LHFPL2: variants seen among roughly 807,000 people sequenced by gnomAD.
LHFPL2 encodes LHFPL tetraspan subfamily member 2.
In LHFPL2, 7 loss-of-function variants were observed where a neutral mutation model predicts 17.5. The ratio of observed to expected loss-of-function variants is 0.40; its 90% confidence interval spans 0.23 to 0.75. LHFPL2 has a LOEUF of 0.75. LHFPL2 is among the 30% of genes least tolerant of loss of function. The pLI, the probability that LHFPL2 is intolerant of heterozygous loss-of-function variation, is 0.37. For synonymous variants in LHFPL2, 134 were observed against 116.2 expected (o/e 1.15, Z -0.99); for missense variants, 241 against 294.8 (o/e 0.82, Z 1.34).
chr5:78,570,225 A>G (rs1273399788), intron 2 of LHFPL2, among the ~76,000 whole-genome samples: 3 of 152,252 alleles, frequency 2.0e-5, no homozygotes, highest in Non-Finnish European at 2.9e-5. Flanking sequence ...TCATTGCCCT[A>G]TGAACATTCC....
At chr5:78,622,218 A>C (rs1370741057) in intron 2 of LHFPL2, among the ~76,000 whole-genome samples, 1 of 152,154 alleles carries the variant, frequency 6.6e-6, no homozygotes, top group Non-Finnish European at 1.5e-5. Context: ...CATGCACTAC[A>C]TGCCTAAAAC....
intron 3 of LHFPL2, among the ~76,000 whole-genome samples, chr5:78,563,982 G>A (rs1346451720): frequency 6.6e-6 from 1 of 152,176 alleles, no homozygotes. Context: ...GAATCTGCAA[G>A]CTAAAAGACT....
chr5:78,644,308 TCTTG>T, intron 1 of LHFPL2: 1 of 1,199,580 alleles, frequency 8.3e-7, no homozygotes, highest in South Asian at 1.3e-5. Flanking sequence ...TCCTTCTTTT[TCTTG>T]CTTTTTTCAG....
chr5:78,569,162 G>A (rs889301853), intron 2 of LHFPL2, among the ~76,000 whole-genome samples: 4 of 152,094 alleles, frequency 2.6e-5, no homozygotes, highest in African/African-American at 4.8e-5. Flanking sequence ...TTGAAGCACC[G>A]AGGCAAATAC....
intron 3 of LHFPL2, among the ~76,000 whole-genome samples, chr5:78,512,767 CTTTT>C (rs34696428): frequency 1.5e-5 from 2 of 137,836 alleles, no homozygotes; most frequent in African/African-American, 2.7e-5. Flanking sequence ...TTTTTCTTTT[CTTTT>C]TTTTTTTTTT....
chr5:78,551,611 T>G (rs1245183207), intron 3 of LHFPL2, among the ~76,000 whole-genome samples: 1 of 152,170 alleles, frequency 6.6e-6, no homozygotes, highest in Non-Finnish European at 1.5e-5. Context: ...AACGAAGCCC[T>G]AGCAGCAGCC....
At chr5:78,608,529 C>T (rs1429590318) in intron 2 of LHFPL2, among the ~76,000 whole-genome samples, 4 of 151,346 alleles carry the variant, frequency 2.6e-5, no homozygotes, top group African/African-American at 9.7e-5. Context: ...TTTTTAACTA[C>T]TGAAGCTTCA....
At chr5:78,613,363 C>G (rs1476092926) in intron 2 of LHFPL2, among the ~76,000 whole-genome samples, 1 of 152,108 alleles carries the variant, frequency 6.6e-6, no homozygotes, top group African/African-American at 2.4e-5. Flanking sequence ...GGAGATCGTC[C>G]CAGCCTTTTC....
At chr5:78,630,494 A>G (rs1745201334) in intron 2 of LHFPL2, among the ~76,000 whole-genome samples, 1 of 152,162 alleles carries the variant, frequency 6.6e-6, no homozygotes, top group African/African-American at 2.4e-5. Flanking sequence ...TCTTGGGCAA[A>G]GCTGAAATCC....
chr5:78,528,209 T>G (rs1397102875), intron 3 of LHFPL2, among the ~76,000 whole-genome samples: 2 of 152,152 alleles, frequency 1.3e-5, no homozygotes, highest in Non-Finnish European at 2.9e-5. Flanking sequence ...CACTCTCCAT[T>G]TTATGCTCTA....
At chr5:78,525,547 G>A (rs1299538269) in intron 3 of LHFPL2, among the ~76,000 whole-genome samples, 1 of 152,166 alleles carries the variant, frequency 6.6e-6, no homozygotes. Context: ...GGGCACAAAG[G>A]CTAGTGTGTT....
Position 78,488,750 on chromosome 5 carries a change from TG to T in LHFPL2, c.*146del. On this transcript the variant is annotated 3_prime_UTR_variant, in exon 5 of 5. Coordinates refer to ENST00000380345, the MANE Select transcript of LHFPL2 (RefSeq NM_005779.3). ...TCCAGTAACTTTGCGTAGCTGGATG[TG>T]GCCTCTCATTGGTCCTGTTTAAGCC... 1.3e-6 allele frequency: 1 copy of T among 789,586 alleles called. No individual in the cohort carries two copies. Among genetic ancestry groups the T allele is most frequent in the Non-Finnish European group, 2.1e-6 (1 of 483,736 alleles). 48.9% of individuals were successfully genotyped at this position (789,586 alleles called of 1,614,324 possible).
chr5:78,628,326 T>C (rs945606205), intron 2 of LHFPL2, among the ~76,000 whole-genome samples: 1 of 152,182 alleles, frequency 6.6e-6, no homozygotes, highest in African/African-American at 2.4e-5. Flanking sequence ...CAATTCTCTC[T>C]CTTTTAAACG....
intron 2 of LHFPL2, among the ~76,000 whole-genome samples, chr5:78,610,443 G>A (rs1744379465): frequency 6.6e-6 from 1 of 152,216 alleles, no homozygotes; most frequent in African/African-American, 2.4e-5. Context: ...TCGGTCCATG[G>A]AGATGAGTAA....
intron 4 of LHFPL2, among the ~76,000 whole-genome samples, chr5:78,496,264 T>G (rs1430758443): frequency 6.6e-6 from 1 of 152,168 alleles, no homozygotes; most frequent in African/African-American, 2.4e-5. Context: ...AGGAACTTGG[T>G]TATAGGTTAA....
At chr5:78,588,573 T>C (rs1466800349) in intron 2 of LHFPL2, among the ~76,000 whole-genome samples, 2 of 152,212 alleles carry the variant, frequency 1.3e-5, no homozygotes, top group African/African-American at 4.8e-5. Flanking sequence ...ACAATGTACA[T>C]AGAAGTGTTC....
chr5:78,506,008 CAT>C (rs1389026652), intron 4 of LHFPL2, among the ~76,000 whole-genome samples: 1 of 152,240 alleles, frequency 6.6e-6, no homozygotes, highest in Non-Finnish European at 1.5e-5. Flanking sequence ...ATGTCAAGGA[CAT>C]GTGCACAGTA....
chr5:78,508,681 G>T (rs979841624), intron 4 of LHFPL2, among the ~76,000 whole-genome samples: 28 of 152,284 alleles, frequency 1.8e-4, no homozygotes, highest in Admixed American at 1.7e-3. Context: ...TTACAGCCCT[G>T]GACATATGGC....
rs116526526 is a variant in LHFPL2 at position 78,514,999 on chromosome 5, C to T, written c.-185-4601G>A. Among the ~76,000 whole-genome samples, 822 of 152,278 alleles carry T rather than the reference C, an allele frequency of 5.4e-3. 10 individuals carry two copies. Among genetic ancestry groups the T allele is most frequent in the African/African-American group, 0.019 (781 of 41,540 alleles). ...TTCTGAACTATCTGAAAATGAGTTGCAGATGTTCTGACACTTCACCCCTAA... is the reference window on the plus strand; with the variant it reads ...TTCTGAACTATCTGAAAATGAGTTGTAGATGTTCTGACACTTCACCCCTAA... On this transcript the variant is annotated intron_variant, in intron 3 of 4. Transcript: ENST00000380345.
Sources: gnomAD v4.1 joint callset for allele counts (sites outside exome capture counted in the v4.1 genomes callset) on GRCh38, gnomAD v4.1.1 for gene constraint, MANE v1.5 for transcripts, NCBI Gene and HGNC (gene_info 2026-07-23, HGNC 2026-07-21) for gene names.